MYOCOS: variants seen among roughly 807,000 people sequenced by gnomAD.
The protein encoded by MYOCOS is myocilin opposite strand.
rs575605572 is a variant in MYOCOS, at chr1:171,612,591, C to T, written c.-251-2207C>T. Among the ~76,000 whole-genome samples the T allele has an allele frequency of 4.2e-4, 64 of 151,512 alleles. No homozygotes were observed. The South Asian group carries it at 9.8e-3, about 23-fold the overall frequency. On this transcript the variant is annotated intron_variant, in intron 1 of 3. Coordinates refer to the MYOCOS transcript ENST00000636697. Reference sequence around the variant, plus strand: ...CTATAATCCCAGCACTTTGGGAGGCCGAGGTGGGTGGATCACTTGAGGTCA... The same window carrying T: ...CTATAATCCCAGCACTTTGGGAGGCTGAGGTGGGTGGATCACTTGAGGTCA...
At chr1:171,609,226 T>C (rs779215673) in intron 1 of MYOCOS, among the ~76,000 whole-genome samples, 12 of 152,234 alleles carry the variant, frequency 7.9e-5, no homozygotes, top group Non-Finnish European at 1.3e-4. Flanking sequence ...GTTTATTTAC[T>C]GTCAAAACTG....
upstream of MYOCOS, among the ~76,000 whole-genome samples, chr1:171,621,374 GTTTTTTTTTT>G (rs397974158): frequency 1.7e-4 from 20 of 115,150 alleles, no homozygotes; most frequent in South Asian, 2.7e-4. Flanking sequence ...TCTATGGTGG[GTTTTTTTTTT>G]TTTTTTTTTG....
intron 1 of MYOCOS, among the ~76,000 whole-genome samples, chr1:171,605,340 T>C (rs1398688143): frequency 6.7e-6 from 1 of 148,874 alleles, no homozygotes; most frequent in Non-Finnish European, 1.5e-5. Flanking sequence ...TAGGATGACT[T>C]AGTTGCCTAA....
At chr1:171,602,728 T>A (rs974786328) in intron 1 of MYOCOS, among the ~76,000 whole-genome samples, 1 of 152,216 alleles carries the variant, frequency 6.6e-6, no homozygotes, top group Admixed American at 6.5e-5. Context: ...ACTTACGTGG[T>A]ATAAAAATCA....
chr1:171,621,101 G>A (rs375490280), upstream of MYOCOS, among the ~76,000 whole-genome samples: 28 of 152,048 alleles, frequency 1.8e-4, no homozygotes, highest in East Asian at 4.5e-3. Flanking sequence ...TTTGACTGAT[G>A]TCTCATGCCT....
At chr1:171,618,732 C>T (rs998490158), upstream of MYOCOS, among the ~76,000 whole-genome samples, 2 of 152,148 alleles carry the variant, frequency 1.3e-5, no homozygotes, top group African/African-American at 2.4e-5. Flanking sequence ...TGGGCCACCA[C>T]GCCCAGATAA....
At chr1:171,609,130 GC>G (rs1215972085) in intron 1 of MYOCOS, among the ~76,000 whole-genome samples, 1 of 152,114 alleles carries the variant, frequency 6.6e-6, no homozygotes, top group African/African-American at 2.4e-5. Context: ...CACCTCTACT[GC>G]CCTTGATGGC....
At chr1:171,625,975 A>T (rs1164105096) in intron 2 of MYOCOS, among the ~76,000 whole-genome samples, 4 of 152,210 alleles carry the variant, frequency 2.6e-5, no homozygotes, top group Admixed American at 1.3e-4. Context: ...CAATTAAAGT[A>T]TATCTCATTT....
At chr1:171,615,009 A>C (rs982478163) in intron 2 of MYOCOS, 3 of 152,310 alleles carry the variant, frequency 2.0e-5, no homozygotes, top group African/African-American at 7.2e-5. Flanking sequence ...GAAAAAGGTG[A>C]GTAGTAGGAG....
At chr1:171,610,725 A>G (rs235901) in intron 1 of MYOCOS, among the ~76,000 whole-genome samples, 23,225 of 152,262 alleles carry the variant, frequency 0.15, 1,860 homozygotes, top group Middle Eastern at 0.29. Flanking sequence ...TACATTTCCA[A>G]TGCATGAATT....
intron 1 of MYOCOS, 83 bp downstream of exon 1, chr1:171,622,415 G>A (rs1333664429): frequency 1.3e-5 from 2 of 152,202 alleles, no homozygotes; most frequent in Non-Finnish European, 1.5e-5. Context: ...ACTACAGGAG[G>A]TTAAAAGACT....
intron 1 of MYOCOS, among the ~76,000 whole-genome samples, chr1:171,613,277 C>G (rs1652385535): frequency 6.6e-6 from 1 of 152,100 alleles, no homozygotes; most frequent in South Asian, 2.1e-4. Context: ...GATGGTGACC[C>G]TAGATATTCA....
chr1:171,607,265 A>C (rs2102932894), intron 1 of MYOCOS, among the ~76,000 whole-genome samples: 1 of 152,328 alleles, frequency 6.6e-6, no homozygotes, highest in African/African-American at 2.4e-5. Context: ...AGTAGGTTAC[A>C]ATAAGATGAT....
intron 2 of MYOCOS, among the ~76,000 whole-genome samples, chr1:171,625,074 A>T (rs2102940800): frequency 6.6e-6 from 1 of 152,348 alleles, no homozygotes; most frequent in South Asian, 2.1e-4. Flanking sequence ...GTAAGATTCC[A>T]GCAAATTGAT....
Position 171,626,492 on chromosome 1 carries a change from A to T in MYOCOS, c.134A>T (p.Glu45Val), listed in dbSNP as rs1011462584. The change falls in exon 3 of 3, where the codon GAG (glutamate) becomes GTG (valine). Residue 45 changes from glutamate to valine, a missense_variant. By Grantham distance (121) the Glu-to-Val change is moderately radical. Coordinates refer to ENST00000637642, the MANE Select transcript of MYOCOS (RefSeq NM_001391940.1). Reference protein sequence around the residue: ...IITQKSDEAKEMLSHLDLEQA... With the variant: ...IITQKSDEAKVMLSHLDLEQA... ...ACCCAGAAAAGTGATGAAGCTAAGG[A>T]GATGCTCTCCCACTTGGATTTGGAG... is the stretch of plus-strand genomic sequence containing the variant. 4 of 398,570 alleles carry T rather than the reference A, an allele frequency of 1.0e-5. No homozygotes were observed. The highest frequency in any genetic ancestry group is 1.8e-5 in the Non-Finnish European group (4 of 226,102). The allele number at this position is 398,570 out of a possible 1,614,324, so 24.7% of individuals were successfully genotyped here.
At chr1:171,604,813 A>T (rs2102931861) in intron 1 of MYOCOS, among the ~76,000 whole-genome samples, 1 of 152,310 alleles carries the variant, frequency 6.6e-6, no homozygotes, top group East Asian at 1.9e-4. Context: ...AAAAGAAGAT[A>T]AAAAAGATCC....
upstream of MYOCOS, among the ~76,000 whole-genome samples, chr1:171,619,708 G>C (rs1176831796): frequency 6.6e-6 from 1 of 151,526 alleles, no homozygotes; most frequent in Non-Finnish European, 1.5e-5. Flanking sequence ...AATGTGGCAG[G>C]CACCTGTGGT....
chr1:171,612,557 G>A (rs1240588203), intron 1 of MYOCOS, among the ~76,000 whole-genome samples: 1 of 151,866 alleles, frequency 6.6e-6, no homozygotes, highest in Non-Finnish European at 1.5e-5. Flanking sequence ...CAGGCATGGT[G>A]GCTCATGCCT....
chr1:171,621,447 C>G (rs1244410471), upstream of MYOCOS, among the ~76,000 whole-genome samples: 2 of 142,692 alleles, frequency 1.4e-5, no homozygotes, highest in Non-Finnish European at 1.5e-5. Flanking sequence ...GCGATCTCGG[C>G]TCACTGCAAG....
Sources: allele counts gnomAD v4.1 joint callset (sites outside exome capture counted in the v4.1 genomes callset), GRCh38; gene constraint gnomAD v4.1.1; transcripts MANE v1.5; gene names NCBI Gene and HGNC (gene_info 2026-07-23, HGNC 2026-07-21).